The following TPST1 variants were observed in gnomAD, a reference collection of about 807,000 sequenced individuals.
TPST1 encodes tyrosylprotein sulfotransferase 1.
Under a neutral mutation model 34.8 loss-of-function variants are expected in TPST1, and 20 were observed. The ratio of observed to expected loss-of-function variants is 0.57; its 90% CI spans 0.40 to 0.84. TPST1 has a LOEUF of 0.84. TPST1 is among the 40% of genes least tolerant of loss of function. The pLI, the probability that TPST1 is intolerant of heterozygous loss-of-function variation, is 0.00. For synonymous variants in TPST1, 152 were observed against 159.4 expected, an observed-to-expected ratio of 0.95 and a Z score of 0.35; for missense variants, 353 against 455.5, an observed-to-expected ratio of 0.78 and a Z score of 2.05.
At chr7:66,204,783 T>C (rs542210583), upstream of TPST1, among the ~76,000 whole-genome samples, 14 of 152,388 alleles carry the variant, frequency 9.2e-5, no homozygotes, top group African/African-American at 3.4e-4. Context: ...CTATTGCACG[T>C]CTACACTCTC....
At chr7:66,333,302 A>T (rs1159912255) in intron 3 of TPST1, among the ~76,000 whole-genome samples, 2 of 152,266 alleles carry the variant, frequency 1.3e-5, no homozygotes, top group Non-Finnish European at 2.9e-5. Context: ...GTATGGAAAC[A>T]TACCACCACT....
intron 1 of TPST1, among the ~76,000 whole-genome samples, chr7:66,217,286 G>T (rs578079470): frequency 6.6e-6 from 1 of 152,168 alleles, no homozygotes; most frequent in African/African-American, 2.4e-5. Context: ...AAGTGGGATA[G>T]TGAGGCCTCC....
intron 1 of TPST1, among the ~76,000 whole-genome samples, chr7:66,239,386 C>G (rs1386024114): frequency 6.6e-6 from 1 of 152,204 alleles, no homozygotes; most frequent in Non-Finnish European, 1.5e-5. Flanking sequence ...CGGAGGCACT[C>G]ATCACATTTT....
At chr7:66,235,542 A>T (rs962906541) in intron 1 of TPST1, among the ~76,000 whole-genome samples, 3 of 152,172 alleles carry the variant, frequency 2.0e-5, no homozygotes, top group Non-Finnish European at 4.4e-5. Flanking sequence ...TGAGACTGTC[A>T]AAGTACTTCT....
intron 4 of TPST1, among the ~76,000 whole-genome samples, chr7:66,353,104 C>T (rs1260984830): frequency 6.6e-6 from 1 of 152,116 alleles, no homozygotes; most frequent in East Asian, 1.9e-4. Context: ...CACTTGAAGT[C>T]GGGAGTTCAA....
At chr7:66,278,100 CAA>C (rs35654351) in intron 2 of TPST1, among the ~76,000 whole-genome samples, 217 of 50,198 alleles carry the variant, frequency 4.3e-3, no homozygotes, top group African/African-American at 0.014. Flanking sequence ...GACTCCATCT[CAA>C]AAAAAAAAAA....
chr7:66,311,705 C>T (rs1791535383), intron 3 of TPST1, among the ~76,000 whole-genome samples: 1 of 152,108 alleles, frequency 6.6e-6, no homozygotes, highest in Non-Finnish European at 1.5e-5. Context: ...AGAGAGAAGA[C>T]ATGCCATAGA....
At chr7:66,219,828 G>A (rs1191286242) in intron 1 of TPST1, among the ~76,000 whole-genome samples, 3 of 152,214 alleles carry the variant, frequency 2.0e-5, no homozygotes, top group African/African-American at 7.2e-5. Context: ...CCATGTAGCA[G>A]TATATTAAGG....
Position 66,286,521 on chromosome 7 carries a change from T to C in TPST1, c.856T>C (p.Ser286Pro), listed in dbSNP as rs779862337. ...TTATGTTGTTTTCAGAGTGGAGAGATCTACAGACCAAGTAATCAAGCCAGT... is the reference window on the plus strand; with the variant it reads ...TTATGTTGTTTTCAGAGTGGAGAGACCTACAGACCAAGTAATCAAGCCAGT... ...GGVSLSKVERSTDQVIKPVNV... is the reference protein window; with the variant it reads ...GGVSLSKVERPTDQVIKPVNV... Residue 286 changes from serine (S) to proline (P), a missense_variant, in exon 3 of 6, where the codon TCT becomes CCT. Physicochemically the swap from Ser to Pro is moderately conservative, Grantham distance 74. Coordinates refer to ENST00000304842, the MANE Select transcript of TPST1 (RefSeq NM_003596.4). The C allele has an allele frequency of 6.3e-7, 1 of 1,593,326 alleles. No homozygotes were observed. Among genetic ancestry groups the C allele is most frequent in the South Asian group, 1.1e-5 (1 of 88,060 alleles).
chr7:66,250,910 G>C (rs937751990), intron 2 of TPST1, among the ~76,000 whole-genome samples: 1 of 152,196 alleles, frequency 6.6e-6, no homozygotes, highest in Non-Finnish European at 1.5e-5. Flanking sequence ...AGTGTACATT[G>C]CATGGACGTG....
At chr7:66,242,977 G>A (rs574316515) in intron 2 of TPST1, among the ~76,000 whole-genome samples, 1 of 152,316 alleles carries the variant, frequency 6.6e-6, no homozygotes. Context: ...TCACAATCAT[G>A]AGTAGAACCT....
At chr7:66,233,628 C>G (rs1452122854) in intron 1 of TPST1, among the ~76,000 whole-genome samples, 1 of 152,152 alleles carries the variant, frequency 6.6e-6, no homozygotes, top group African/African-American at 2.4e-5. Flanking sequence ...TGGGGGTCCT[C>G]CAACTTTGTT....
At chr7:66,347,059 C>CTTTTTTTTTTTTTT (rs71051352) in intron 3 of TPST1, among the ~76,000 whole-genome samples, 776 of 60,002 alleles carry the variant, frequency 0.013, 204 homozygotes, top group Middle Eastern at 0.022. Flanking sequence ...CTTTGCTTTT[C>CTTTTTTTTTTTTTT]TTTTTTTTTT....
At chr7:66,352,988 A>G in intron 4 of TPST1, 43 of 985,394 alleles carry the variant, frequency 4.4e-5, no homozygotes, top group Non-Finnish European at 5.2e-5. Flanking sequence ...ATATATACAC[A>G]TAGTCACTGG....
intron 2 of TPST1, among the ~76,000 whole-genome samples, chr7:66,269,689 C>T (rs1443116298): frequency 6.6e-6 from 1 of 152,122 alleles, no homozygotes; most frequent in African/African-American, 2.4e-5. Flanking sequence ...ACATTTAGAG[C>T]CATCTCATTT....
intron 1 of TPST1, among the ~76,000 whole-genome samples, chr7:66,235,884 T>C (rs547650489): frequency 1.3e-5 from 2 of 152,144 alleles, no homozygotes; most frequent in Admixed American, 6.5e-5. Flanking sequence ...AGGTCACTGA[T>C]AGGTGAGAGA....
At position 66,341,438 on chromosome 7, in the gene TPST1, C is replaced by G. The variant is rs565174170; in HGVS notation, c.1045-11067C>G. 2.6e-5 allele frequency among the ~76,000 whole-genome samples: 4 copies of G among 152,274 alleles called. No homozygotes were observed. The East Asian group carries it at 7.7e-4, about 29-fold the overall frequency. On this transcript the variant is annotated intron_variant, in intron 3 of 5. Transcript: ENST00000304842. ...GATTGCAGGCACCCATCACAAATGC[C>G]TGGCTAATGTTTTTGTATTTTTGGT...
intron 4 of TPST1, chr7:66,352,848 T>C (rs911732849): frequency 2.0e-5 from 20 of 985,304 alleles, no homozygotes; most frequent in Non-Finnish European, 2.3e-5. Context: ...AGCCGCCCAG[T>C]GGGTAAAGCT....
chr7:66,306,356 T>C (rs1176442777), intron 3 of TPST1, among the ~76,000 whole-genome samples: 1 of 152,254 alleles, frequency 6.6e-6, no homozygotes, highest in African/African-American at 2.4e-5. Flanking sequence ...GGGTTTGTCC[T>C]GTGCATGTGT....
Sources: gnomAD v4.1 joint callset for allele counts (sites outside exome capture counted in the v4.1 genomes callset) on GRCh38, gnomAD v4.1.1 for gene constraint, MANE v1.5 for transcripts, NCBI Gene and HGNC (gene_info 2026-07-23, HGNC 2026-07-21) for gene names.